The following DPYD variants were observed in gnomAD, a reference collection of about 807,000 sequenced individuals.
DPYD encodes the protein dihydropyrimidine dehydrogenase.
A neutral mutation model predicts 116.2 loss-of-function variants in DPYD; 109 were observed. The ratio of observed to expected loss-of-function variants is 0.94; its 90% confidence interval spans 0.80 to 1.10. DPYD has a LOEUF of 1.10. DPYD is among the 50% of genes least tolerant of loss of function. DPYD has a pLI of 0.00. For synonymous variants in DPYD, 440 were observed against 432.0 expected (o/e 1.02, Z -0.23); for missense variants, 1,302 against 1,254.5 (o/e 1.04, Z -0.57).
intron 8 of DPYD, among the ~76,000 whole-genome samples, chr1:97,658,494 C>T (rs1659069409): frequency 6.6e-6 from 1 of 152,096 alleles, no homozygotes; most frequent in African/African-American, 2.4e-5. Context: ...GTAATTCGAA[C>T]AGCTTCTTAC....
chr1:97,397,239 T>G (rs1473536336), intron 14 of DPYD, among the ~76,000 whole-genome samples: 1 of 152,004 alleles, frequency 6.6e-6, no homozygotes, highest in Non-Finnish European at 1.5e-5. Flanking sequence ...GTATAAAAGA[T>G]CATGACTACT....
intron 13 of DPYD, 82 bp downstream of exon 13, chr1:97,515,643 TA>T (rs145228578): frequency 4.2e-5 from 51 of 1,222,482 alleles, no homozygotes; most frequent in Middle Eastern, 2.8e-4. Context: ...TATTTCTTAG[TA>T]AAAAAAATCC....
At chr1:97,305,166 G>T in intron 18 of DPYD, 93 bp downstream of exon 18, 2 of 1,581,892 alleles carry the variant, frequency 1.3e-6, no homozygotes, top group Non-Finnish European at 8.6e-7. Context: ...TAAGAATTTG[G>T]GATCATAAAG....
chr1:97,421,122 A>G (rs1674557423), intron 14 of DPYD, among the ~76,000 whole-genome samples: 2 of 152,158 alleles, frequency 1.3e-5, no homozygotes, highest in Non-Finnish European at 2.9e-5. Context: ...TACTTGGTAA[A>G]GCCCCTTAAT....
chr1:97,547,381 G>A (rs1650977011), intron 12 of DPYD, among the ~76,000 whole-genome samples: 1 of 152,044 alleles, frequency 6.6e-6, no homozygotes, highest in African/African-American at 2.4e-5. Context: ...TCTGTCTGAG[G>A]CAATAAACAC....
chr1:97,537,248 C>CT (rs1013861146), intron 12 of DPYD, among the ~76,000 whole-genome samples: 2 of 152,134 alleles, frequency 1.3e-5, no homozygotes, highest in African/African-American at 4.8e-5. Context: ...CCATTCTTCA[C>CT]TTTTTTTCCC....
At chr1:97,151,439 C>T (rs920325929) in intron 20 of DPYD, among the ~76,000 whole-genome samples, 9 of 152,046 alleles carry the variant, frequency 5.9e-5, no homozygotes, top group South Asian at 2.1e-4. Flanking sequence ...TTTGGGAGGC[C>T]GAGGCAGGCA....
At chr1:97,202,499 G>A (rs772419218) in intron 19 of DPYD, among the ~76,000 whole-genome samples, 1 of 152,082 alleles carries the variant, frequency 6.6e-6, no homozygotes, top group Non-Finnish European at 1.5e-5. Flanking sequence ...ATGTTTTCAA[G>A]GTATATTATA....
intron 13 of DPYD, among the ~76,000 whole-genome samples, chr1:97,512,114 T>C (rs1010108115): frequency 2.6e-5 from 4 of 151,948 alleles, no homozygotes; most frequent in African/African-American, 9.7e-5. Context: ...AAAAAATCTA[T>C]GTATTCATTT....
intron 20 of DPYD, among the ~76,000 whole-genome samples, chr1:97,136,872 A>G (rs1653845616): frequency 6.6e-6 from 1 of 152,208 alleles, no homozygotes; most frequent in Admixed American, 6.5e-5. Context: ...TGACACTGGT[A>G]AAGAGTAGTC....
At chr1:97,574,006 T>A (rs941640768) in intron 10 of DPYD, 36 bp from the exon 11 acceptor site, 4 of 1,608,326 alleles carry the variant, frequency 2.5e-6, no homozygotes, top group Non-Finnish European at 3.4e-6. Flanking sequence ...AACTTGAAAA[T>A]GTTTCTTATT....
rs552994825 is a variant in DPYD, at chr1:97,761,804, A to C, written c.234-21325T>G. Reference sequence around the variant, plus strand: ...TTTTTAAACAGTGTTATATATACACACCATGGAATACTATGCAGCCATGAA... The same window carrying C: ...TTTTTAAACAGTGTTATATATACACCCCATGGAATACTATGCAGCCATGAA... On this transcript the variant is annotated intron_variant, in intron 3 of 22. Transcript: ENST00000370192. Among the ~76,000 whole-genome samples the C allele has an allele frequency of 3.6e-4, 55 of 152,250 alleles. No homozygotes were observed. In the South Asian group the frequency reaches 0.011, roughly 30 times the overall value.
intron 5 of DPYD, chr1:97,720,859 G>A: frequency 6.2e-7 from 1 of 1,608,092 alleles, no homozygotes; most frequent in Non-Finnish European, 8.5e-7. Flanking sequence ...ACGTCAGAGA[G>A]CCCAAGAGTG....
rs80093831 is a variant in DPYD at position 97,672,124 on chromosome 1, A to G, written c.850+6971T>C. On this transcript the variant is annotated intron_variant, in intron 8 of 22. Coordinates refer to ENST00000370192, the MANE Select transcript of DPYD (RefSeq NM_000110.4). The stretch of plus-strand genomic sequence containing the variant: ...AGAACAAGAAGATTCAGAGGTCTCT[A>G]AAATAGACTTCTCTGTCTATCTTAC... Among the ~76,000 whole-genome samples the G allele has an allele frequency of 6.2e-3, 940 of 152,020 alleles. 14 individuals are homozygous for G. Among genetic ancestry groups the G allele is most frequent in the African/African-American group, 0.022 (896 of 41,488 alleles).
chr1:97,365,364 A>G (rs1246971671), intron 16 of DPYD, among the ~76,000 whole-genome samples: 1 of 152,160 alleles, frequency 6.6e-6, no homozygotes, highest in Non-Finnish European at 1.5e-5. Context: ...TTCTTCTGTG[A>G]CATTACATTA....
At chr1:97,456,448 C>G (rs1205270928) in intron 13 of DPYD, among the ~76,000 whole-genome samples, 2 of 152,086 alleles carry the variant, frequency 1.3e-5, no homozygotes, top group Admixed American at 6.6e-5. Flanking sequence ...AGGGCTTTCT[C>G]TGTCTCAGTT....
chr1:97,744,429 A>G, intron 3 of DPYD, among the ~76,000 whole-genome samples: 1 of 151,916 alleles, frequency 6.6e-6, no homozygotes, highest in Non-Finnish European at 1.5e-5. Context: ...GGCTGAATTA[A>G]TTTCTTTCTC....
chr1:97,098,396 G>A, intron 21 of DPYD, 93 bp downstream of exon 21: 1 of 1,434,682 alleles, frequency 7.0e-7, no homozygotes, highest in Non-Finnish European at 9.6e-7. Context: ...AACCAAATTA[G>A]TGATACATTT....
chr1:97,174,194 T>C (rs1657089424), intron 20 of DPYD, among the ~76,000 whole-genome samples: 1 of 152,070 alleles, frequency 6.6e-6, no homozygotes, highest in Admixed American at 6.6e-5. Flanking sequence ...CTATCGGCAA[T>C]CAATTTAAGG....
Sources: allele counts gnomAD v4.1 joint callset (sites outside exome capture counted in the v4.1 genomes callset), GRCh38; gene constraint gnomAD v4.1.1; transcripts MANE v1.5; gene names NCBI Gene and HGNC (gene_info 2026-07-23, HGNC 2026-07-21).